Variants in RABGAP1L observed in about 807,000 individuals in gnomAD.
RABGAP1L encodes rab GTPase-activating protein 1-like.
RABGAP1L carries 63 observed loss-of-function variants against 137.7 expected under a neutral mutation model. That is an observed-to-expected ratio of 0.46 (90% CI 0.37 to 0.56). RABGAP1L has a LOEUF of 0.56. Ranked by LOEUF, RABGAP1L falls within the 20% of genes least tolerant of loss-of-function variation. The pLI is 0.00. For synonymous variants in RABGAP1L, 431 were observed against 433.7 expected, an observed-to-expected ratio of 0.99 and a Z score of 0.08; for missense variants, 1,095 against 1,244.0, an observed-to-expected ratio of 0.88 and a Z score of 1.80.
intron 13 of RABGAP1L, among the ~76,000 whole-genome samples, chr1:174,457,896 A>C (rs1009831484): frequency 2.0e-5 from 3 of 152,214 alleles, no homozygotes; most frequent in African/African-American, 7.2e-5. Flanking sequence ...TTATTATGAC[A>C]GGCAGGTTTT....
intron 14 of RABGAP1L, among the ~76,000 whole-genome samples, chr1:174,649,023 C>CTAG (rs1675230280): frequency 2.0e-5 from 3 of 151,882 alleles, no homozygotes; most frequent in South Asian, 4.2e-4. Flanking sequence ...GGATTGCCAC[C>CTAG]CCTGCTTTTT....
At chr1:174,433,576 G>A (rs888551031) in intron 13 of RABGAP1L, among the ~76,000 whole-genome samples, 1 of 152,150 alleles carries the variant, frequency 6.6e-6, no homozygotes, top group Non-Finnish European at 1.5e-5. Flanking sequence ...TGTATAACTG[G>A]CATTTGATAT....
At chr1:174,455,606 GTTC>G (rs1235152819) in intron 13 of RABGAP1L, among the ~76,000 whole-genome samples, 1 of 152,030 alleles carries the variant, frequency 6.6e-6, no homozygotes, top group South Asian at 2.1e-4. Context: ...GTTTACTTAT[GTTC>G]TTAATAGAGT....
At chr1:174,862,590 A>G (rs565262694) in intron 19 of RABGAP1L, among the ~76,000 whole-genome samples, 3 of 152,338 alleles carry the variant, frequency 2.0e-5, no homozygotes, top group South Asian at 4.1e-4. Context: ...CATAAAAACT[A>G]TTGCTAAAAG....
intron 1 of RABGAP1L, among the ~76,000 whole-genome samples, chr1:174,176,935 G>T (rs1217420092): frequency 6.6e-6 from 1 of 151,860 alleles, no homozygotes; most frequent in Non-Finnish European, 1.5e-5. Flanking sequence ...AATTAGCTGG[G>T]CATGGTGGTG....
intron 11 of RABGAP1L, among the ~76,000 whole-genome samples, chr1:174,351,045 G>C (rs1319076766): frequency 8.3e-6 from 1 of 120,100 alleles, no homozygotes; most frequent in Non-Finnish European, 1.7e-5. Context: ...GTCCAGCTTC[G>C]GCTCCGCATG....
rs540419347 is a variant in RABGAP1L, at chr1:174,329,769, T to A, written c.1465+24642T>A. Among the ~76,000 whole-genome samples, 19 of 152,242 alleles carry A rather than the reference T, an allele frequency of 1.2e-4. 2 individuals are homozygous for A. The East Asian group carries it at 3.7e-3, about 29-fold the overall frequency. ...GATACAGAGAGAGCATGTGACAGACTTCATCTTTTTGTGATAAAGCTTCCA... is the reference window on the plus strand; with the variant it reads ...GATACAGAGAGAGCATGTGACAGACATCATCTTTTTGTGATAAAGCTTCCA... On this transcript the variant is annotated intron_variant, in intron 11 of 25. Transcript: ENST00000681986.
At chr1:174,576,158 C>A (rs552899302) in intron 13 of RABGAP1L, among the ~76,000 whole-genome samples, 8 of 152,218 alleles carry the variant, frequency 5.3e-5, no homozygotes, top group African/African-American at 1.7e-4. Context: ...ACAAACAATC[C>A]ATAGAAACAG....
chr1:174,238,115 G>A (rs1206395094), intron 4 of RABGAP1L, among the ~76,000 whole-genome samples: 1 of 152,088 alleles, frequency 6.6e-6, no homozygotes, highest in Non-Finnish European at 1.5e-5. Context: ...TTGGTTTTCA[G>A]CTCCATCAGC....
chr1:174,390,150 G>A, intron 12 of RABGAP1L, among the ~76,000 whole-genome samples: 1 of 152,170 alleles, frequency 6.6e-6, no homozygotes, highest in Middle Eastern at 3.2e-3. Flanking sequence ...GCTGTATGCA[G>A]TATAATTGCT....
chr1:174,287,532 C>T (rs1676171303), intron 10 of RABGAP1L, among the ~76,000 whole-genome samples: 1 of 152,112 alleles, frequency 6.6e-6, no homozygotes, highest in Non-Finnish European at 1.5e-5. Flanking sequence ...CTTTGTTGCC[C>T]AGATTGGAGT....
At chr1:174,963,356 A>G (rs868507210) in intron 20 of RABGAP1L, among the ~76,000 whole-genome samples, 5 of 152,174 alleles carry the variant, frequency 3.3e-5, no homozygotes, top group Middle Eastern at 3.4e-3. Context: ...ATGCAAAACT[A>G]AATCCTTTTG....
chr1:174,417,410 A>G (rs1650729122), intron 13 of RABGAP1L, among the ~76,000 whole-genome samples: 1 of 152,204 alleles, frequency 6.6e-6, no homozygotes, highest in Non-Finnish European at 1.5e-5. Context: ...AGGGAAAACA[A>G]TCTTGCGAAT....
rs143054661 is a variant in RABGAP1L at position 174,879,467 on chromosome 1, T to A, written c.2340+67507T>A. Among the ~76,000 whole-genome samples the A allele has an allele frequency of 2.7e-3, 417 of 152,156 alleles. 4 individuals are homozygous for A. The highest frequency in any genetic ancestry group is 8.3e-3 in the African/African-American group (345 of 41,498). On this transcript the variant is annotated intron_variant, in intron 19 of 25. Transcript: ENST00000681986. ...CCAGGATGGTCTCAAACTTCTGACC[T>A]CATGATCCACCCACCTTGGCCTCCC...
intron 14 of RABGAP1L, among the ~76,000 whole-genome samples, chr1:174,663,624 C>T (rs1676552291): frequency 6.6e-6 from 1 of 152,150 alleles, no homozygotes; most frequent in East Asian, 1.9e-4. Context: ...GTGGTTGATC[C>T]TCATTATTTA....
At chr1:174,431,741 G>T (rs1262872486) in intron 13 of RABGAP1L, among the ~76,000 whole-genome samples, 3 of 152,100 alleles carry the variant, frequency 2.0e-5, no homozygotes, top group Non-Finnish European at 4.4e-5. Flanking sequence ...AACAAATCCA[G>T]CAGCTACAAA....
At chr1:174,748,438 A>T (rs921127492) in intron 17 of RABGAP1L, among the ~76,000 whole-genome samples, 1 of 152,178 alleles carries the variant, frequency 6.6e-6, no homozygotes, top group Non-Finnish European at 1.5e-5. Flanking sequence ...AACATCTGAG[A>T]TGGGTTTCAA....
chr1:174,917,901 C>G (rs1168809007), intron 19 of RABGAP1L, among the ~76,000 whole-genome samples: 2 of 149,752 alleles, frequency 1.3e-5, no homozygotes, highest in Non-Finnish European at 3.0e-5. Context: ...CACTAGCACT[C>G]CAGCCTGGGT....
At chr1:174,195,763 CTT>C (rs1362541001) in intron 1 of RABGAP1L, among the ~76,000 whole-genome samples, 3 of 129,034 alleles carry the variant, frequency 2.3e-5, no homozygotes, top group Non-Finnish European at 4.9e-5. Flanking sequence ...CTCTTTCTCT[CTT>C]TCTCTCTTTC....
Sources: gnomAD v4.1 joint callset for allele counts (sites outside exome capture counted in the v4.1 genomes callset) on GRCh38, gnomAD v4.1.1 for gene constraint, MANE v1.5 for transcripts, NCBI Gene and HGNC (gene_info 2026-07-23, HGNC 2026-07-21) for gene names.